Variants in RNF217 observed in about 807,000 individuals in gnomAD.
RNF217 encodes ring finger protein 217, also known as E3 ubiquitin-protein ligase RNF217.
In RNF217, 31 loss-of-function variants were observed where a neutral mutation model predicts 57.8. The observed-to-expected ratio is 0.54, with a 90% CI of 0.40 to 0.72. RNF217 has a LOEUF of 0.72. Among genes scored for constraint, RNF217 ranks in the 30% least tolerant of loss-of-function variants. The probability of loss-of-function intolerance (pLI) is 0.00; values close to 1 mark genes in which losing one functional copy is unlikely to be tolerated. For synonymous variants in RNF217, 313 were observed against 294.0 expected (o/e 1.06, Z -0.66); for missense variants, 696 against 708.3 (o/e 0.98, Z 0.20).
intron 3 of RNF217, among the ~76,000 whole-genome samples, chr6:125,067,608 C>G (rs968992285): frequency 6.6e-6 from 1 of 151,948 alleles, no homozygotes; most frequent in African/African-American, 2.4e-5. Flanking sequence ...ATAATGGAGA[C>G]AGAGTTAGAG....
intron 1 of RNF217, among the ~76,000 whole-genome samples, 196 bp downstream of exon 1, chr6:124,963,622 T>C (rs1273325163): frequency 6.6e-6 from 1 of 152,214 alleles, no homozygotes; most frequent in East Asian, 1.9e-4. Context: ...AATTTAACTT[T>C]GCTGTGAACT....
chr6:125,035,776 C>T (rs779299238), intron 1 of RNF217, among the ~76,000 whole-genome samples: 11 of 151,698 alleles, frequency 7.3e-5, no homozygotes, highest in South Asian at 2.1e-4. Context: ...CTTTTTCATT[C>T]GCCTTTTATA....
intron 1 of RNF217, among the ~76,000 whole-genome samples, chr6:125,035,393 A>G (rs1334876040): frequency 6.6e-6 from 1 of 152,174 alleles, no homozygotes; most frequent in Non-Finnish European, 1.5e-5. Flanking sequence ...GTGGGGGCCA[A>G]TATTCAACAT....
intron 1 of RNF217, among the ~76,000 whole-genome samples, chr6:125,009,750 C>T (rs980683349): frequency 1.2e-4 from 19 of 152,102 alleles, no homozygotes; most frequent in African/African-American, 4.6e-4. Flanking sequence ...TGCTGACAAG[C>T]TGCATTCCAT....
At chr6:124,992,226 G>A (rs1027098032) in intron 1 of RNF217, among the ~76,000 whole-genome samples, 9 of 152,166 alleles carry the variant, frequency 5.9e-5, no homozygotes, top group African/African-American at 1.9e-4. Context: ...AACATTTTAA[G>A]TAGGACATGT....
chr6:125,028,712 C>T (rs983762172), intron 1 of RNF217, among the ~76,000 whole-genome samples: 1 of 151,892 alleles, frequency 6.6e-6, no homozygotes, highest in Non-Finnish European at 1.5e-5. Context: ...TCTTTTTACA[C>T]TTGTACCTGT....
intron 3 of RNF217, among the ~76,000 whole-genome samples, chr6:125,067,518 G>A (rs897667731): frequency 2.0e-5 from 3 of 152,302 alleles, no homozygotes; most frequent in Admixed American, 6.5e-5. Flanking sequence ...AAAGTTGAAT[G>A]TGGGAAGTAA....
chr6:125,004,649 T>G (rs747040358), intron 1 of RNF217, among the ~76,000 whole-genome samples: 9 of 152,208 alleles, frequency 5.9e-5, no homozygotes, highest in Non-Finnish European at 1.0e-4. Context: ...AAGGCCTAAG[T>G]CTTTTTAAAT....
chr6:125,053,697 G>A (rs997010470), intron 2 of RNF217, among the ~76,000 whole-genome samples: 4 of 152,026 alleles, frequency 2.6e-5, no homozygotes, highest in African/African-American at 9.7e-5. Flanking sequence ...AGGTGAGTCG[G>A]CGTACTTTCA....
At chr6:125,003,246 G>A (rs1488786322) in intron 1 of RNF217, among the ~76,000 whole-genome samples, 3 of 152,146 alleles carry the variant, frequency 2.0e-5, no homozygotes, top group Admixed American at 6.5e-5. Context: ...TAGCAGAATC[G>A]AGAGGCTGTA....
Position 125,083,797 on chromosome 6 carries a change from C to T in RNF217, c.*860C>T, listed in dbSNP as rs1480115334. On this transcript the variant is annotated 3_prime_UTR_variant, in exon 6 of 6. Transcript: ENST00000521654. Reference sequence around the variant, plus strand: ...AAACACAGAAATTTGTGCAACGTCACCCCAAGGAGTATTAAGCTTTGTAAA... The same window carrying T: ...AAACACAGAAATTTGTGCAACGTCATCCCAAGGAGTATTAAGCTTTGTAAA... The T allele has an allele frequency of 6.6e-6, 1 of 152,048 alleles. No homozygotes were observed. Among genetic ancestry groups the T allele is most frequent in the African/African-American group, 2.4e-5 (1 of 41,424 alleles). The allele number at this position is 152,048 out of a possible 1,614,324, so 9.4% of individuals were successfully genotyped here.
chr6:125,081,105 A>G (rs1000116164), intron 4 of RNF217, among the ~76,000 whole-genome samples: 3 of 152,080 alleles, frequency 2.0e-5, no homozygotes, highest in Non-Finnish European at 4.4e-5. Context: ...CATTGCGAAC[A>G]TTGAAAATGG....
intron 1 of RNF217, among the ~76,000 whole-genome samples, chr6:125,001,431 A>C (rs985458417): frequency 6.6e-6 from 1 of 152,222 alleles, no homozygotes; most frequent in Non-Finnish European, 1.5e-5. Flanking sequence ...TGGGGCACAG[A>C]GAATCCCGTA....
chr6:125,081,355 TG>T, intron 4 of RNF217, 80 bp from the exon 5 acceptor site: 1 of 965,392 alleles, frequency 1.0e-6, no homozygotes, highest in South Asian at 1.5e-5. Flanking sequence ...ATATACACTG[TG>T]GTATTTAAAA....
chr6:124,968,117 T>C (rs1268823703), intron 1 of RNF217, among the ~76,000 whole-genome samples: 1 of 152,166 alleles, frequency 6.6e-6, no homozygotes, highest in Non-Finnish European at 1.5e-5. Flanking sequence ...TAAAGCACCC[T>C]GCATATTTTT....
In RNF217 at chr6:124,962,996, G is replaced by A. The variant is rs967451727; in HGVS notation, c.452G>A (p.Gly151Asp). 3 of 1,596,620 alleles carry A rather than the reference G, an allele frequency of 1.9e-6. No homozygotes were observed. The Admixed American group carries it at 5.0e-5, about 27-fold the overall frequency. Reference protein sequence around the residue: ...AADGLVLDVLGQRRPSLAKRQ... With the variant: ...AADGLVLDVLDQRRPSLAKRQ... ...GACGGACTGGTCCTGGACGTGCTGGGTCAGCGGCGCCCGTCCCTCGCCAAG... is the reference window on the plus strand; with the variant it reads ...GACGGACTGGTCCTGGACGTGCTGGATCAGCGGCGCCCGTCCCTCGCCAAG... Residue 151 changes from glycine to aspartate, a missense_variant, in exon 1 of 6, where the codon GGT (glycine) becomes GAT (aspartate). This residue lies in a region of RNF217 where 465 missense variants were observed against 386.8 expected (regional missense o/e 1.20). Coordinates refer to ENST00000521654, the MANE Select transcript of RNF217 (RefSeq NM_001286398.3). This position sits in a 1 kb window ranked among gnomAD's most constrained non-coding sequence, Gnocchi z 4.6.
chr6:125,059,975 AT>A (rs1292732846), intron 3 of RNF217, among the ~76,000 whole-genome samples: 6 of 152,204 alleles, frequency 3.9e-5, no homozygotes, highest in African/African-American at 7.2e-5. Context: ...TTTAAGTCAT[AT>A]TTTATGATGT....
At chr6:124,979,549 G>A (rs1784082278) in intron 1 of RNF217, among the ~76,000 whole-genome samples, 1 of 152,210 alleles carries the variant, frequency 6.6e-6, no homozygotes, top group Admixed American at 6.5e-5. Context: ...AGTGTGCAAA[G>A]CCTGGGGTGG....
intron 1 of RNF217, among the ~76,000 whole-genome samples, chr6:124,979,430 A>G (rs1484867557): frequency 6.6e-6 from 1 of 152,194 alleles, no homozygotes; most frequent in Non-Finnish European, 1.5e-5. Flanking sequence ...TTAGAAAGGC[A>G]GTGTGGCAAA....
Sources: gnomAD v4.1 joint callset for allele counts (sites outside exome capture counted in the v4.1 genomes callset) on GRCh38, gnomAD v4.1.1 for gene constraint, gnomAD v4.1.1 regional missense constraint, Gnocchi (gnomAD v3.1) non-coding constraint, MANE v1.5 for transcripts, NCBI Gene and HGNC (gene_info 2026-07-23, HGNC 2026-07-21) for gene names.